Variants in EXOC6B observed in about 807,000 individuals in gnomAD.
The protein encoded by EXOC6B is SEC15 homolog B.
Under a neutral mutation model 113.5 loss-of-function variants are expected in EXOC6B, and 54 were observed. The ratio of observed to expected loss-of-function variants is 0.48; its 90% CI spans 0.38 to 0.60. The LOEUF (loss-of-function observed/expected upper bound fraction) is 0.60. EXOC6B is among the 20% of genes least tolerant of loss of function. EXOC6B has a pLI of 0.00. For synonymous variants in EXOC6B, 357 were observed against 339.0 expected (o/e 1.05, Z -0.58); for missense variants, 797 against 977.5 (o/e 0.82, Z 2.46).
chr2:72,196,832 C>T (rs1679204181), intron 20 of EXOC6B, among the ~76,000 whole-genome samples: 1 of 152,156 alleles, frequency 6.6e-6, no homozygotes, highest in Non-Finnish European at 1.5e-5. Context: ...TAACGAGCCA[C>T]TTCAAGTCTA....
chr2:72,469,016 C>G (rs575683958), intron 17 of EXOC6B, among the ~76,000 whole-genome samples: 1 of 152,140 alleles, frequency 6.6e-6, no homozygotes, highest in African/African-American at 2.4e-5. Context: ...ATACCACTAC[C>G]CTCCAGGCTA....
chr2:72,259,492 T>C (rs1390551491), intron 20 of EXOC6B, among the ~76,000 whole-genome samples: 2 of 152,244 alleles, frequency 1.3e-5, no homozygotes, highest in African/African-American at 4.8e-5. Context: ...GCTATGAACA[T>C]TCTTTTACAA....
In EXOC6B at chr2:72,496,577, G is replaced by C. The variant is rs1218812364; in HGVS notation, c.1338-18C>G. 6.9e-7 allele frequency: 1 copy of C among 1,455,348 alleles called. No individual in the cohort carries two copies. The highest frequency in any genetic ancestry group is 9.5e-7 in the Non-Finnish European group (1 of 1,055,114). The allele number at this position is 1,455,348 out of a possible 1,614,324, so 90.2% of individuals were successfully genotyped here. ...GTATGTTTCTATAAATGGAAGGATA[G>C]ACAAAGGGAAGGGAAGGATAGACAA... On this transcript the variant is annotated intron_variant, in intron 13 of 21. Coordinates refer to ENST00000272427, the MANE Select transcript of EXOC6B (RefSeq NM_015189.3).
intron 6 of EXOC6B, among the ~76,000 whole-genome samples, chr2:72,683,907 C>T (rs1676894939): frequency 6.6e-6 from 1 of 152,118 alleles, no homozygotes; most frequent in Non-Finnish European, 1.5e-5. Context: ...GCAGATAATT[C>T]TCTATCTAGG....
intron 6 of EXOC6B, among the ~76,000 whole-genome samples, chr2:72,673,489 C>T (rs1178325851): frequency 6.6e-6 from 1 of 152,108 alleles, no homozygotes; most frequent in Non-Finnish European, 1.5e-5. Flanking sequence ...GTGAAGTTAT[C>T]TGGTGAAGTA....
chr2:72,741,410 C>A lies in EXOC6B; in HGVS notation c.173G>T (p.Arg58Leu). Residue 58 changes from arginine (R) to leucine (L), a missense_variant, in exon 2 of 22, where the codon CGT becomes CTT. Coordinates refer to ENST00000272427, the MANE Select transcript of EXOC6B (RefSeq NM_015189.3). ...TTTCTCAATTTCTCGGTCGTGATTA[C>A]GGATACGAGTTTCAAGCTTCTCCAT... ...RFMEKLETRI[R>L]NHDREIEKMC... 1 of 1,613,582 alleles carries A rather than the reference C, an allele frequency of 6.2e-7. No individual in the cohort carries two copies. The highest frequency in any genetic ancestry group is 8.5e-7 in the Non-Finnish European group (1 of 1,179,790).
At chr2:72,417,627 AT>A (rs1694606774) in intron 18 of EXOC6B, among the ~76,000 whole-genome samples, 1 of 152,174 alleles carries the variant, frequency 6.6e-6, no homozygotes, top group South Asian at 2.1e-4. Flanking sequence ...TTAATTTTAG[AT>A]TATAGTATTT....
chr2:72,236,839 T>C (rs1458025704), intron 20 of EXOC6B, among the ~76,000 whole-genome samples: 1 of 152,132 alleles, frequency 6.6e-6, no homozygotes, highest in Non-Finnish European at 1.5e-5. Context: ...CTGTCTCAGG[T>C]GACTCCACTG....
chr2:72,252,942 G>A (rs1386251448), intron 20 of EXOC6B, among the ~76,000 whole-genome samples: 1 of 135,514 alleles, frequency 7.4e-6, no homozygotes, highest in Non-Finnish European at 1.8e-5. Context: ...CTTACATATG[G>A]AAACTGCAGT....
At chr2:72,691,025 G>A (rs866341386) in intron 6 of EXOC6B, among the ~76,000 whole-genome samples, 51 of 152,282 alleles carry the variant, frequency 3.3e-4, no homozygotes, top group Middle Eastern at 3.4e-3. Context: ...TCGAGAGGCT[G>A]AGGCAGGAGG....
intron 19 of EXOC6B, among the ~76,000 whole-genome samples, chr2:72,337,531 T>A (rs1159396982): frequency 6.6e-6 from 1 of 152,170 alleles, no homozygotes; most frequent in Non-Finnish European, 1.5e-5. Context: ...ATTAAGCTGA[T>A]GAAACAACTT....
chr2:72,195,161 A>C (rs1029206479), intron 20 of EXOC6B, among the ~76,000 whole-genome samples: 2 of 152,186 alleles, frequency 1.3e-5, no homozygotes, highest in African/African-American at 2.4e-5. Flanking sequence ...GAAAAAAAGA[A>C]AGATAGGGAG....
At chr2:72,787,280 C>T (rs1684428947) in intron 1 of EXOC6B, among the ~76,000 whole-genome samples, 1 of 151,726 alleles carries the variant, frequency 6.6e-6, no homozygotes, top group African/African-American at 2.4e-5. Flanking sequence ...GGCGCAATCT[C>T]GGCTCACTGC....
At chr2:72,720,702 T>C (rs1679944387) in intron 5 of EXOC6B, among the ~76,000 whole-genome samples, 1 of 151,932 alleles carries the variant, frequency 6.6e-6, no homozygotes, top group Non-Finnish European at 1.5e-5. Context: ...TGCAGTGAGC[T>C]GAGATCAGCC....
intron 5 of EXOC6B, among the ~76,000 whole-genome samples, chr2:72,729,613 T>A (rs1319859521): frequency 6.6e-6 from 1 of 151,856 alleles, no homozygotes; most frequent in Admixed American, 6.6e-5. Context: ...TTAGTAGAGA[T>A]GGGGTTTCTC....
intron 19 of EXOC6B, among the ~76,000 whole-genome samples, chr2:72,375,521 AT>A (rs1691303885): frequency 6.6e-6 from 1 of 152,176 alleles, no homozygotes; most frequent in East Asian, 1.9e-4. Context: ...GTATCTAAAA[AT>A]TTTCTAAATA....
intron 1 of EXOC6B, among the ~76,000 whole-genome samples, chr2:72,818,544 C>G (rs968636902): frequency 2.6e-5 from 4 of 152,056 alleles, no homozygotes; most frequent in Non-Finnish European, 4.4e-5. Flanking sequence ...ATCTGCCCTC[C>G]TTGGCCTCCC....
At chr2:72,202,975 C>G (rs1262324318) in intron 20 of EXOC6B, among the ~76,000 whole-genome samples, 1 of 152,216 alleles carries the variant, frequency 6.6e-6, no homozygotes, top group Admixed American at 6.5e-5. Context: ...CCGGCCAGTT[C>G]ACGACGTTCA....
At chr2:72,718,771 C>A (rs141794493) in intron 5 of EXOC6B, among the ~76,000 whole-genome samples, 1 of 152,194 alleles carries the variant, frequency 6.6e-6, no homozygotes, top group Non-Finnish European at 1.5e-5. Context: ...ATTTGAACCC[C>A]GGAGGCGGAG....
Sources: gnomAD v4.1 joint callset for allele counts (sites outside exome capture counted in the v4.1 genomes callset) on GRCh38, gnomAD v4.1.1 for gene constraint, MANE v1.5 for transcripts, NCBI Gene and HGNC (gene_info 2026-07-23, HGNC 2026-07-21) for gene names.